The following MGAT4C variants were observed in gnomAD, a reference collection of about 807,000 sequenced individuals.
MGAT4C encodes alpha-1,3-mannosyl-glycoprotein 4-beta-N-acetylglucosaminyltransferase C.
A neutral mutation model predicts 40.1 loss-of-function variants in MGAT4C; 19 were observed. That is an observed-to-expected ratio of 0.47 (90% CI 0.33 to 0.70). The LOEUF (loss-of-function observed/expected upper bound fraction) is 0.70, where lower values mean the gene tolerates loss of function less well. MGAT4C is among the 30% of genes least tolerant of loss of function. The pLI is 0.02. For missense variants in MGAT4C, 491 were observed against 563.2 expected, an observed-to-expected ratio of 0.87 and a Z score of 1.30; for synonymous variants, 181 against 187.1, an observed-to-expected ratio of 0.97 and a Z score of 0.27.
chr12:86,555,066 A>T (rs1481945716), intron 2 of MGAT4C, among the ~76,000 whole-genome samples: 18 of 151,354 alleles, frequency 1.2e-4, no homozygotes. Context: ...TTCATCTGAC[A>T]CTCCTGCCTC....
At chr12:86,171,253 C>A (rs532496632) in intron 1 of MGAT4C, among the ~76,000 whole-genome samples, 1 of 152,206 alleles carries the variant, frequency 6.6e-6, no homozygotes, top group South Asian at 2.1e-4. Context: ...CCAGTAATCC[C>A]AGCTACTTGG....
At chr12:86,354,864 G>A (rs1460815431) in intron 3 of MGAT4C, among the ~76,000 whole-genome samples, 2 of 152,136 alleles carry the variant, frequency 1.3e-5, no homozygotes, top group East Asian at 1.9e-4. Flanking sequence ...TCTTAAAGAT[G>A]GCAAAGACCC....
intron 1 of MGAT4C, among the ~76,000 whole-genome samples, chr12:86,235,681 A>G (rs1216563712): frequency 1.3e-5 from 2 of 152,050 alleles, no homozygotes; most frequent in East Asian, 3.9e-4. Context: ...CTATTCTCAG[A>G]AAGTACTCTT....
intron 2 of MGAT4C, among the ~76,000 whole-genome samples, chr12:86,447,990 G>T (rs538020611): frequency 1.3e-4 from 20 of 152,074 alleles, no homozygotes; most frequent in Admixed American, 1.2e-3. Flanking sequence ...TGCTGCATGC[G>T]TCTGAGATGT....
At chr12:86,270,256 G>T (rs1377788954) in intron 4 of MGAT4C, among the ~76,000 whole-genome samples, 1 of 151,928 alleles carries the variant, frequency 6.6e-6, no homozygotes, top group African/African-American at 2.4e-5. Context: ...TTTTAGGAGA[G>T]ACAGGGTTTC....
chr12:86,713,525 G>C (rs560686614), intron 2 of MGAT4C, among the ~76,000 whole-genome samples: 1 of 152,136 alleles, frequency 6.6e-6, no homozygotes, highest in Non-Finnish European at 1.5e-5. Context: ...CTATAGTAAA[G>C]ATATGTATTT....
chr12:86,469,528 T>C (rs1480293407), intron 2 of MGAT4C, among the ~76,000 whole-genome samples: 2 of 152,136 alleles, frequency 1.3e-5, no homozygotes, highest in Non-Finnish European at 2.9e-5. Flanking sequence ...AACTGAGGCC[T>C]CAGTACAGCC....
chr12:86,831,663 T>C (rs571971583), intron 1 of MGAT4C, among the ~76,000 whole-genome samples: 1 of 151,898 alleles, frequency 6.6e-6, no homozygotes, highest in South Asian at 2.1e-4. Context: ...GCTAAAGAAA[T>C]TTTGCTTTGG....
intron 1 of MGAT4C, among the ~76,000 whole-genome samples, chr12:86,076,636 G>A (rs907144780): frequency 2.6e-5 from 4 of 152,082 alleles, no homozygotes; most frequent in Non-Finnish European, 4.4e-5. Context: ...CTTACAGGGC[G>A]GTGGCAAGAG....
intron 2 of MGAT4C, among the ~76,000 whole-genome samples, chr12:86,553,241 G>A (rs1171132872): frequency 2.0e-5 from 3 of 152,016 alleles, no homozygotes; most frequent in Non-Finnish European, 4.4e-5. Context: ...TCTAATTGTT[G>A]CTGGCTTAAT....
rs549637121 is a variant in MGAT4C at position 86,619,158 on chromosome 12, G to C, written c.-229+108051C>G. ...ATATAAGGAACTTGAACATTTATGG[G>C]TTTTGGTATCTACAGGAGTCTTGGA... is the stretch of plus-strand genomic sequence containing the variant. On this transcript the variant is annotated intron_variant, in intron 2 of 7. Transcript: ENST00000548651. 3.4e-4 allele frequency among the ~76,000 whole-genome samples: 52 copies of C among 152,094 alleles called. 1 individual carries two copies. In the South Asian group the frequency reaches 8.9e-3, roughly 26 times the overall value.
chr12:86,025,962 G>T (rs754768749), intron 2 of MGAT4C, among the ~76,000 whole-genome samples: 1 of 151,472 alleles, frequency 6.6e-6, no homozygotes, highest in Non-Finnish European at 1.5e-5. Context: ...ACTGCTAAAT[G>T]GTTCAATATT....
chr12:86,096,054 C>G (rs919247144), intron 1 of MGAT4C, among the ~76,000 whole-genome samples: 1 of 151,800 alleles, frequency 6.6e-6, no homozygotes, highest in Non-Finnish European at 1.5e-5. Flanking sequence ...TTACAAAATT[C>G]TTGGCTTATA....
chr12:86,421,494 T>C (rs190617968), intron 3 of MGAT4C, among the ~76,000 whole-genome samples: 1 of 152,284 alleles, frequency 6.6e-6, no homozygotes, highest in Admixed American at 6.5e-5. Flanking sequence ...TGGATTGGCC[T>C]GGCGCCATGG....
intron 2 of MGAT4C, among the ~76,000 whole-genome samples, chr12:86,473,261 T>A (rs1957781927): frequency 6.6e-6 from 1 of 152,110 alleles, no homozygotes; most frequent in Non-Finnish European, 1.5e-5. Flanking sequence ...CGGGCCTGAT[T>A]TCTTTTTTGT....
At chr12:86,015,651 C>T (rs957150178) in intron 2 of MGAT4C, 1 of 152,186 alleles carries the variant, frequency 6.6e-6, no homozygotes, top group Non-Finnish European at 1.5e-5. Flanking sequence ...AAATCCTTAG[C>T]AGCTTCATGT....
intron 1 of MGAT4C, among the ~76,000 whole-genome samples, chr12:86,208,381 C>T (rs146433416): frequency 2.0e-5 from 3 of 152,270 alleles, no homozygotes; most frequent in African/African-American, 7.2e-5. Context: ...TCAGGAGAAT[C>T]GCTTGAACCC....
At chr12:86,501,824 T>A (rs574199581) in intron 2 of MGAT4C, among the ~76,000 whole-genome samples, 1 of 152,230 alleles carries the variant, frequency 6.6e-6, no homozygotes, top group South Asian at 2.1e-4. Context: ...TGTATCGTTA[T>A]AACAGAATGA....
rs187762351 is a variant in MGAT4C, at chr12:86,544,470, G to A, written c.-228-109205C>T. On this transcript the variant is annotated intron_variant, in intron 2 of 7. Transcript: ENST00000548651. ...ATTTCTATAATTATCTAATGTTTCT[G>A]AAAGTTAATTTTAGTTGGATAGTGA... Among the ~76,000 whole-genome samples, 1,307 of 152,104 alleles carry A rather than the reference G, an allele frequency of 8.6e-3. 7 individuals are homozygous for A. Among genetic ancestry groups the A allele is most frequent in the Middle Eastern group, 0.017 (5 of 294 alleles).
Sources: gnomAD v4.1 joint callset for allele counts (sites outside exome capture counted in the v4.1 genomes callset) on GRCh38, gnomAD v4.1.1 for gene constraint, MANE v1.5 for transcripts, NCBI Gene and HGNC (gene_info 2026-07-23, HGNC 2026-07-21) for gene names.